The following SNX24 variants were observed in gnomAD, a reference collection of about 807,000 sequenced individuals.
SNX24 encodes the protein sorting nexin-24.
Under a neutral mutation model 28.7 loss-of-function variants are expected in SNX24, and 22 were observed. The ratio of observed to expected loss-of-function variants is 0.77; its 90% CI spans 0.55 to 1.10. The LOEUF (loss-of-function observed/expected upper bound fraction) is 1.10, where lower values mean the gene tolerates loss of function less well. Among genes scored for constraint, SNX24 ranks in the 50% least tolerant of loss-of-function variants. The probability of loss-of-function intolerance (pLI) is 0.00; values close to 1 mark genes in which losing one functional copy is unlikely to be tolerated. For synonymous variants in SNX24, 69 were observed against 71.5 expected (o/e 0.96, Z 0.18); for missense variants, 221 against 201.1 (o/e 1.10, Z -0.60).
chr5:122,929,758 C>T (rs1320885999), intron 1 of SNX24, among the ~76,000 whole-genome samples: 3 of 151,520 alleles, frequency 2.0e-5, no homozygotes, highest in Non-Finnish European at 4.4e-5. Flanking sequence ...CTTCTTGGAG[C>T]TCTCTGGCTT....
chr5:122,915,926 G>A (rs374497543), intron 1 of SNX24, among the ~76,000 whole-genome samples: 7 of 152,186 alleles, frequency 4.6e-5, no homozygotes, highest in African/African-American at 1.2e-4. Flanking sequence ...GGCCTGTTTC[G>A]TCATGGCCTC....
intron 1 of SNX24, among the ~76,000 whole-genome samples, chr5:122,873,713 T>G (rs1409403330): frequency 1.3e-5 from 2 of 152,180 alleles, no homozygotes; most frequent in East Asian, 1.9e-4. Flanking sequence ...TTCGGTAGTT[T>G]TCTTTTGAAG....
intron 3 of SNX24, among the ~76,000 whole-genome samples, chr5:122,982,634 G>A (rs192866344): frequency 1.3e-5 from 2 of 152,274 alleles, no homozygotes; most frequent in African/African-American, 4.8e-5. Flanking sequence ...AGGAATTTAG[G>A]TTGGCCTTTT....
intron 1 of SNX24, among the ~76,000 whole-genome samples, chr5:122,893,465 T>C (rs966063911): frequency 2.6e-5 from 4 of 152,128 alleles, no homozygotes; most frequent in Non-Finnish European, 5.9e-5. Flanking sequence ...TTAGACTCTT[T>C]CAGTAAATAC....
intron 4 of SNX24, among the ~76,000 whole-genome samples, chr5:123,000,783 G>GA (rs1350377795): frequency 1.3e-5 from 2 of 152,146 alleles, no homozygotes; most frequent in African/African-American, 2.4e-5. Flanking sequence ...ATTTACAGGG[G>GA]AAAAAATCAT....
chr5:122,904,095 C>T (rs753592456), intron 1 of SNX24, among the ~76,000 whole-genome samples: 8 of 151,870 alleles, frequency 5.3e-5, no homozygotes, highest in African/African-American at 1.9e-4. Context: ...AGTTTAACAT[C>T]GTTTTAGCCC....
intron 1 of SNX24, among the ~76,000 whole-genome samples, chr5:122,882,655 A>T (rs35401912): frequency 0.026 from 3,975 of 152,294 alleles, 68 homozygotes; most frequent in Non-Finnish European, 0.037. Context: ...GTATGGACCT[A>T]TGGGAAAAAA....
At chr5:122,846,768 G>A (rs745746053) in intron 1 of SNX24, among the ~76,000 whole-genome samples, 12 of 152,194 alleles carry the variant, frequency 7.9e-5, no homozygotes, top group Non-Finnish European at 1.8e-4. Context: ...TGAGTAGACT[G>A]CTGGATCCAA....
intron 1 of SNX24, among the ~76,000 whole-genome samples, chr5:122,905,308 C>A (rs888246415): frequency 6.6e-6 from 1 of 152,078 alleles, no homozygotes; most frequent in African/African-American, 2.4e-5. Flanking sequence ...CAGTTGGGTT[C>A]ATTCTGCCAG....
At chr5:122,919,649 G>A (rs1012226515) in intron 1 of SNX24, among the ~76,000 whole-genome samples, 1 of 152,030 alleles carries the variant, frequency 6.6e-6, no homozygotes, top group South Asian at 2.1e-4. Context: ...TACATGTTAG[G>A]AAAATAATTA....
chr5:122,938,095 G>T (rs1404305542), intron 2 of SNX24, among the ~76,000 whole-genome samples: 1 of 152,042 alleles, frequency 6.6e-6, no homozygotes, highest in Non-Finnish European at 1.5e-5. Flanking sequence ...CATGACCCTA[G>T]CACAGCCCAG....
intron 1 of SNX24, among the ~76,000 whole-genome samples, chr5:122,906,912 C>G (rs1007953208): frequency 6.6e-6 from 1 of 152,186 alleles, no homozygotes; most frequent in Non-Finnish European, 1.5e-5. Flanking sequence ...GCCCCAGCAG[C>G]GTGACTCTAG....
chr5:122,912,844 A>G (rs542978024), intron 1 of SNX24, among the ~76,000 whole-genome samples: 2 of 151,984 alleles, frequency 1.3e-5, no homozygotes, highest in African/African-American at 2.4e-5. Context: ...CAAGTGAACA[A>G]AGGTCTCTGG....
intron 3 of SNX24, among the ~76,000 whole-genome samples, chr5:122,989,101 C>CA (rs1191619639): frequency 2.0e-5 from 3 of 151,832 alleles, no homozygotes; most frequent in African/African-American, 7.3e-5. Context: ...TTCTATGGGC[C>CA]AAAAACAGGA....
At chr5:122,922,502 C>T (rs768315745) in intron 1 of SNX24, among the ~76,000 whole-genome samples, 7 of 152,062 alleles carry the variant, frequency 4.6e-5, no homozygotes, top group Non-Finnish European at 8.8e-5. Flanking sequence ...ATCCACCCAC[C>T]TCAGCCTCCC....
At chr5:123,000,216 G>C (rs146365155) in intron 4 of SNX24, among the ~76,000 whole-genome samples, 1 of 152,152 alleles carries the variant, frequency 6.6e-6, no homozygotes. Flanking sequence ...GCCATGGTTC[G>C]GTAACCCATG....
intron 3 of SNX24, among the ~76,000 whole-genome samples, chr5:122,983,283 T>C (rs1393730345): frequency 6.6e-6 from 1 of 152,146 alleles, no homozygotes; most frequent in Non-Finnish European, 1.5e-5. Context: ...AAATGGAATA[T>C]AATTTAAATT....
intron 3 of SNX24, among the ~76,000 whole-genome samples, chr5:122,970,772 T>C (rs1034916512): frequency 6.6e-6 from 1 of 152,172 alleles, no homozygotes; most frequent in Non-Finnish European, 1.5e-5. Flanking sequence ...CTGGCCATAT[T>C]CTGCACAAAT....
chr5:122,871,232 C>A (rs928321521), intron 1 of SNX24, among the ~76,000 whole-genome samples: 6 of 152,184 alleles, frequency 3.9e-5, no homozygotes, highest in African/African-American at 1.4e-4. Context: ...CCCAGAGATT[C>A]TCATGCAATA....
Sources: allele counts gnomAD v4.1 joint callset (sites outside exome capture counted in the v4.1 genomes callset), GRCh38; gene constraint gnomAD v4.1.1; transcripts MANE v1.5; gene names NCBI Gene and HGNC (gene_info 2026-07-23, HGNC 2026-07-21).